IL34: variants seen among roughly 807,000 people sequenced by gnomAD.
IL34 encodes interleukin-34.
A neutral mutation model predicts 25.3 loss-of-function variants in IL34; 17 were observed. The observed-to-expected ratio is 0.67, with a 90% CI of 0.46 to 1.01. The LOEUF is 1.01. Ranked by LOEUF, IL34 falls within the 50% of genes least tolerant of loss-of-function variation. The pLI, the probability that IL34 is intolerant of heterozygous loss-of-function variation, is 0.00. For synonymous variants in IL34, 174 were observed against 140.9 expected, an observed-to-expected ratio of 1.23 and a Z score of -1.66; for missense variants, 368 against 312.9, an observed-to-expected ratio of 1.18 and a Z score of -1.33.
chr16:70,606,774 G>C (rs922626600), intron 1 of IL34, among the ~76,000 whole-genome samples: 13 of 152,020 alleles, frequency 8.6e-5, no homozygotes, highest in Admixed American at 1.3e-4. Context: ...TTTTTGTAGA[G>C]GCAAGGTCTC....
intron 1 of IL34, among the ~76,000 whole-genome samples, chr16:70,650,345 T>C (rs551237552): frequency 6.6e-6 from 1 of 152,352 alleles, no homozygotes; most frequent in East Asian, 1.9e-4. Context: ...AGAGGAAGGC[T>C]GCCCAGTTGG....
At chr16:70,641,627 A>C (rs2051787335), upstream of IL34, among the ~76,000 whole-genome samples, 2 of 148,586 alleles carry the variant, frequency 1.3e-5, no homozygotes, top group Non-Finnish European at 3.0e-5. Context: ...GTGCAGTGGC[A>C]TGATCATGGC....
chr16:70,651,805 C>T (rs1023620470), intron 1 of IL34, among the ~76,000 whole-genome samples: 1 of 150,782 alleles, frequency 6.6e-6, no homozygotes, highest in Non-Finnish European at 1.5e-5. Flanking sequence ...TTGTCTGTAA[C>T]AATAATACAT....
At chr16:70,644,722 G>C (rs1398298366), upstream of IL34, among the ~76,000 whole-genome samples, 1 of 138,988 alleles carries the variant, frequency 7.2e-6, no homozygotes, top group Non-Finnish European at 1.6e-5. Flanking sequence ...GGGAGGAGGA[G>C]GGGGAGGGGG....
chr16:70,657,372 T>C (rs1415321235), intron 4 of IL34: 1 of 466,276 alleles, frequency 2.1e-6, no homozygotes, highest in Admixed American at 3.8e-5. Context: ...TTCTAGGCTC[T>C]GCCTCTCTCC....
At chr16:70,629,759 G>C (rs1453372008) in intron 1 of IL34, among the ~76,000 whole-genome samples, 1 of 151,504 alleles carries the variant, frequency 6.6e-6, no homozygotes, top group African/African-American at 2.4e-5. Flanking sequence ...TATATTTATG[G>C]GGTACATGAG....
At chr16:70,609,386 G>A (rs1235936667) in intron 1 of IL34, among the ~76,000 whole-genome samples, 1 of 152,100 alleles carries the variant, frequency 6.6e-6, no homozygotes, top group Non-Finnish European at 1.5e-5. Context: ...GCCTGAAAGT[G>A]GGATTCTTGA....
Position 70,659,739 on chromosome 16 carries a change from T to G in IL34, c.524T>G (p.Leu175Arg), listed in dbSNP as rs2052337962. 2 of 1,603,028 alleles carry G rather than the reference T, an allele frequency of 1.2e-6. No homozygotes were observed. The highest frequency in any genetic ancestry group is 2.2e-5 in the East Asian group (1 of 44,590). Residue 175 changes from leucine (L) to arginine (R), a missense_variant, in exon 5 of 6, where the codon CTG becomes CGG. Transcript: ENST00000288098. Reference protein sequence around the residue: ...LDNCFRVMELLYCSCCKQSSV... With the variant: ...LDNCFRVMELRYCSCCKQSSV... ...AACTGCTTCCGGGTCATGGAGCTGC[T>G]GTACTGCTCCTGCTGTAAGGAGCTC...
Position 70,660,280 on chromosome 16 carries a change from C to A in IL34, c.*93C>A. 2 of 1,244,120 alleles carry A rather than the reference C, an allele frequency of 1.6e-6. No homozygotes were observed. The highest frequency in any genetic ancestry group is 1.6e-5 in the South Asian group (1 of 63,518). The allele number at this position is 1,244,120 out of a possible 1,614,324, so 77.1% of individuals were successfully genotyped here. A position where few individuals can be genotyped will look rare whatever the true frequency, so the allele number is the denominator to read the frequency against. On this transcript the variant is annotated 3_prime_UTR_variant, in exon 6 of 6. Coordinates refer to ENST00000288098, the MANE Select transcript of IL34 (RefSeq NM_001393494.1). Reference sequence around the variant, plus strand: ...AGACTTCAAGGGGTGGTGGTGGGAGCCCCCCTTGGGAGAGGACCCCTGGGA... The same window carrying A: ...AGACTTCAAGGGGTGGTGGTGGGAGACCCCCTTGGGAGAGGACCCCTGGGA...
chr16:70,601,276 T>A (rs1231773371), intron 1 of IL34, among the ~76,000 whole-genome samples: 1 of 151,574 alleles, frequency 6.6e-6, no homozygotes, highest in Non-Finnish European at 1.5e-5. Flanking sequence ...TTAAAAATAA[T>A]AAAAAAAAAT....
At chr16:70,640,779 C>T (rs576364955) in intron 1 of IL34, among the ~76,000 whole-genome samples, 13 of 152,170 alleles carry the variant, frequency 8.5e-5, no homozygotes, top group Admixed American at 2.6e-4. Flanking sequence ...AATATACCAA[C>T]GCTTCATTCA....
chr16:70,619,703 G>A (rs1359728970), intron 1 of IL34, among the ~76,000 whole-genome samples: 1 of 152,194 alleles, frequency 6.6e-6, no homozygotes, highest in Non-Finnish European at 1.5e-5. Context: ...CAGGGCTTTC[G>A]AGGCGATCGG....
intron 1 of IL34, among the ~76,000 whole-genome samples, chr16:70,594,403 CAAATAGGTAA>C (rs2050792691): frequency 6.6e-6 from 1 of 152,106 alleles, no homozygotes; most frequent in South Asian, 2.1e-4. Context: ...CTTTCAATTT[CAAATAGGTAA>C]TATGTGCATA....
chr16:70,628,144 G>A (rs1249508718), intron 1 of IL34, among the ~76,000 whole-genome samples: 2 of 152,290 alleles, frequency 1.3e-5, no homozygotes, highest in Admixed American at 6.5e-5. Flanking sequence ...TAGGGTGTGT[G>A]TGTAGTGGTA....
intron 1 of IL34, among the ~76,000 whole-genome samples, chr16:70,590,066 C>T (rs2050735255): frequency 1.3e-5 from 2 of 152,196 alleles, no homozygotes; most frequent in East Asian, 1.9e-4. Context: ...GGAGGTGTTG[C>T]TGGAGAGATG....
intron 1 of IL34, among the ~76,000 whole-genome samples, chr16:70,633,522 C>A (rs1172624005): frequency 2.0e-5 from 3 of 152,172 alleles, no homozygotes; most frequent in Non-Finnish European, 4.4e-5. Context: ...ACCTCGGCCT[C>A]CCAAAGTGCT....
upstream of IL34, among the ~76,000 whole-genome samples, chr16:70,643,956 G>GA (rs1278835872): frequency 1.3e-5 from 2 of 152,126 alleles, no homozygotes; most frequent in Non-Finnish European, 2.9e-5. Context: ...AGTGAAGCTG[G>GA]AATGACAGAA....
chr16:70,639,649 C>G (rs937915357), intron 1 of IL34, among the ~76,000 whole-genome samples: 30 of 146,136 alleles, frequency 2.1e-4, no homozygotes, highest in African/African-American at 7.5e-4. Context: ...CCACTGCAAA[C>G]ATGCAGAAAG....
intron 1 of IL34, among the ~76,000 whole-genome samples, chr16:70,627,553 C>T (rs193132981): frequency 9.4e-4 from 143 of 151,606 alleles, no homozygotes; most frequent in South Asian, 3.8e-3. Context: ...GCTATCTAGG[C>T]TCACTGCAGC....
Sources: allele counts gnomAD v4.1 joint callset (sites outside exome capture counted in the v4.1 genomes callset), GRCh38; gene constraint gnomAD v4.1.1; transcripts MANE v1.5; gene names NCBI Gene and HGNC (gene_info 2026-07-23, HGNC 2026-07-21).